Variants in BRD10 observed in about 807,000 individuals in gnomAD.
BRD10 encodes the protein uncharacterized bromodomain-containing protein 10.
the BRD10 span, among the ~76,000 whole-genome samples, chr9:5,958,631 T>C: frequency 1.3e-4 from 20 of 152,154 alleles, no homozygotes; most frequent in Middle Eastern, 3.4e-3. Flanking sequence ...CAGGGAGGGA[T>C]AGGAGGAAGA....
the BRD10 span, among the ~76,000 whole-genome samples, chr9:5,927,391 A>G: frequency 2.6e-5 from 4 of 152,158 alleles, no homozygotes; most frequent in East Asian, 7.7e-4. Context: ...AATCATTTCC[A>G]TCAGTACACA....
chr9:5,901,652 G>A, the BRD10 span, among the ~76,000 whole-genome samples: 70 of 152,130 alleles, frequency 4.6e-4, no homozygotes, highest in African/African-American at 1.6e-3. Flanking sequence ...CCAAGTAGCT[G>A]GGACCACAGG....
At chr9:5,957,660 G>A in the BRD10 span, among the ~76,000 whole-genome samples, 3 of 151,934 alleles carry the variant, frequency 2.0e-5, no homozygotes, top group Admixed American at 1.3e-4. Context: ...TTGGTTCAGA[G>A]CATTCCTTTT....
At chr9:5,970,684 T>A in the BRD10 span, among the ~76,000 whole-genome samples, 1 of 152,126 alleles carries the variant, frequency 6.6e-6, no homozygotes, top group Non-Finnish European at 1.5e-5. Context: ...ATTATGTACT[T>A]AATAGGAGAC....
the BRD10 span, among the ~76,000 whole-genome samples, chr9:5,881,891 G>T: frequency 6.6e-6 from 1 of 152,174 alleles, no homozygotes; most frequent in Non-Finnish European, 1.5e-5. Context: ...CATGTGGCAG[G>T]CTCTGCGCCA....
the BRD10 span, chr9:5,920,168 A>C: frequency 1.9e-6 from 3 of 1,613,984 alleles, no homozygotes; most frequent in Non-Finnish European, 2.5e-6. Flanking sequence ...TGCTAGTGTG[A>C]TCTTCTGGGC....
the BRD10 span, chr9:5,920,571 C>G: frequency 1.9e-6 from 3 of 1,613,926 alleles, no homozygotes; most frequent in Non-Finnish European, 2.5e-6. Context: ...GACGACAATT[C>G]AGTTTGAGGT....
chr9:5,921,665 T>C, the BRD10 span: 12 of 1,613,962 alleles, frequency 7.4e-6, no homozygotes, highest in South Asian at 1.1e-4. Flanking sequence ...TTTTGTGATA[T>C]AATCTACTTG....
chr9:5,988,349 TTTC>T, the BRD10 span: 3 of 1,611,054 alleles, frequency 1.9e-6, no homozygotes, highest in Middle Eastern at 1.7e-4. Context: ...ATTTACCTTT[TTTC>T]TTCTTTTGCT....
At chr9:5,991,403 T>C in the BRD10 span, among the ~76,000 whole-genome samples, 1 of 152,146 alleles carries the variant, frequency 6.6e-6, no homozygotes, top group South Asian at 2.1e-4. Context: ...AGTCTACTCA[T>C]ATAGTAACCC....
the BRD10 span, chr9:5,922,969 C>T: frequency 6.2e-7 from 1 of 1,613,986 alleles, no homozygotes; most frequent in Non-Finnish European, 8.5e-7. Context: ...TCTTTGCAAG[C>T]AAAGCCTGAA....
the BRD10 span, chr9:5,923,106 T>G: frequency 1.9e-5 from 30 of 1,613,900 alleles, no homozygotes; most frequent in Non-Finnish European, 2.5e-5. Flanking sequence ...CTTTCTAGAT[T>G]CTCAACTGTT....
the BRD10 span, among the ~76,000 whole-genome samples, chr9:5,956,415 C>T: frequency 6.6e-6 from 1 of 152,086 alleles, no homozygotes; most frequent in Non-Finnish European, 1.5e-5. Flanking sequence ...GGTTTGAGTG[C>T]CTGCTACAAC....
the BRD10 span, among the ~76,000 whole-genome samples, chr9:5,883,805 T>C: frequency 6.6e-6 from 1 of 152,100 alleles, no homozygotes; most frequent in Admixed American, 6.6e-5. Flanking sequence ...TTGCTCATAT[T>C]TTTCTATAGT....
At chr9:5,904,760 C>T in the BRD10 span, among the ~76,000 whole-genome samples, 15 of 151,174 alleles carry the variant, frequency 9.9e-5, 1 homozygote, top group Admixed American at 3.3e-4. Context: ...CCACCGCGCC[C>T]AGTCCAGTTA....
chr9:5,997,933 T>C, the BRD10 span, among the ~76,000 whole-genome samples: 1 of 152,178 alleles, frequency 6.6e-6, no homozygotes, highest in Non-Finnish European at 1.5e-5. Context: ...AGTTACATAC[T>C]GTACGTTTTG....
the BRD10 span, chr9:5,897,800 T>C: frequency 1.4e-6 from 1 of 727,872 alleles, no homozygotes. Flanking sequence ...TGCTACATTG[T>C]ACTTTGGCAA....
the BRD10 span, among the ~76,000 whole-genome samples, chr9:5,959,862 G>C: frequency 6.6e-6 from 1 of 152,096 alleles, no homozygotes; most frequent in East Asian, 1.9e-4. Flanking sequence ...AGTACCACAT[G>C]CTTAGAAAGA....
At chr9:5,894,428 G>T in the BRD10 span, among the ~76,000 whole-genome samples, 2 of 152,168 alleles carry the variant, frequency 1.3e-5, no homozygotes, top group Admixed American at 1.3e-4. This position sits in a 1 kb window ranked among gnomAD's most constrained non-coding sequence, Gnocchi z 4.0. Flanking sequence ...TTCTACCCCC[G>T]TGTCTGGGGT....
Sources: gnomAD v4.1 joint callset for allele counts (sites outside exome capture counted in the v4.1 genomes callset) on GRCh38, gnomAD v4.1.1 for gene constraint, Gnocchi (gnomAD v3.1) non-coding constraint, MANE v1.5 for transcripts, NCBI Gene and HGNC (gene_info 2026-07-23, HGNC 2026-07-21) for gene names.